LRPPRC: variants seen among roughly 807,000 people sequenced by gnomAD.
LRPPRC encodes the protein leucine-rich PPR motif-containing protein, mitochondrial.
LRPPRC carries 120 observed loss-of-function variants against 180.3 expected under a neutral mutation model. That is an observed-to-expected ratio of 0.67 (90% CI 0.57 to 0.77). LRPPRC has a LOEUF of 0.77. Among genes scored for constraint, LRPPRC ranks in the 30% least tolerant of loss-of-function variants. The pLI is 0.00. For synonymous variants in LRPPRC, 723 were observed against 600.0 expected (o/e 1.21, Z -3.00); for missense variants, 2,012 against 1,657.2 (o/e 1.21, Z -3.72).
intron 1 of LRPPRC, among the ~76,000 whole-genome samples, chr2:43,991,032 ATTT>A (rs35612386): frequency 3.1e-5 from 4 of 129,676 alleles, no homozygotes; most frequent in Non-Finnish European, 3.2e-5. Flanking sequence ...AGATACTTTT[ATTT>A]TTTTTTTTTT....
At chr2:43,985,705 T>C (rs1248237479) in intron 1 of LRPPRC, among the ~76,000 whole-genome samples, 1 of 152,238 alleles carries the variant, frequency 6.6e-6, no homozygotes, top group Non-Finnish European at 1.5e-5. Context: ...TTTGTAGATA[T>C]ACATGATTTG....
intron 35 of LRPPRC, 150 bp from the exon 36 acceptor site, chr2:43,894,779 G>T (rs939534960): frequency 4.9e-6 from 3 of 615,748 alleles, no homozygotes; most frequent in Non-Finnish European, 8.8e-6. Flanking sequence ...TTGTATATTA[G>T]CATTTGATAT....
rs372497039 is a variant in LRPPRC at position 43,957,486 on chromosome 2, C to T, written c.1583-35G>A. On this transcript the variant is annotated intron_variant, in intron 13 of 37. Transcript: ENST00000260665. ...AAAATGACCATCATTAAATCTCAGA[C>T]CAAACAAATTTAAAAACCCTGTATT... 39 of 1,510,398 alleles carry T rather than the reference C, an allele frequency of 2.6e-5. No individual in the cohort carries two copies. In the African/African-American group the frequency reaches 4.5e-4, roughly 18 times the overall value. The allele number at this position is 1,510,398 out of a possible 1,614,324, so 93.6% of individuals were successfully genotyped here.
chr2:43,888,727 A>G (rs2104967682), intron 37 of LRPPRC, 71 bp from the exon 38 acceptor site: 1 of 838,016 alleles, frequency 1.2e-6, no homozygotes, highest in Non-Finnish European at 2.1e-6. Context: ...TTAAAAAATC[A>G]TAAAACACTA....
chr2:43,939,257 G>T (rs566230417), intron 23 of LRPPRC, among the ~76,000 whole-genome samples: 1 of 151,486 alleles, frequency 6.6e-6, no homozygotes, highest in South Asian at 2.1e-4. Context: ...CTCCAGCCTG[G>T]GAGACAGCAA....
At chr2:43,995,695 G>A (rs542841763) in intron 1 of LRPPRC, 104 bp downstream of exon 1, 4 of 1,120,676 alleles carry the variant, frequency 3.6e-6, no homozygotes, top group Non-Finnish European at 4.7e-6. Context: ...CTGGGGCGGG[G>A]AGAAGGGTGG....
chr2:43,901,754 G>C (rs368318145), intron 31 of LRPPRC: 2 of 517,320 alleles, frequency 3.9e-6, no homozygotes, highest in Non-Finnish European at 6.9e-6. Flanking sequence ...TTAAGTCACA[G>C]AGAAAATACA....
At chr2:43,909,312 G>A (rs575244682) in intron 30 of LRPPRC, among the ~76,000 whole-genome samples, 37 of 152,028 alleles carry the variant, frequency 2.4e-4, no homozygotes, top group Non-Finnish European at 4.3e-4. Flanking sequence ...GGGTTCTCTT[G>A]GGTAGACACA....
chr2:43,887,623 C>T lies in LRPPRC; in HGVS notation c.*977G>A, dbSNP rs1558879218. The T allele has an allele frequency of 6.6e-6, 1 of 152,176 alleles. No individual in the cohort carries two copies. Among genetic ancestry groups the T allele is most frequent in the African/African-American group, 2.4e-5 (1 of 41,422 alleles). The allele number at this position is 152,176 out of a possible 1,614,324, so 9.4% of individuals were successfully genotyped here. A position where few individuals can be genotyped will look rare whatever the true frequency, so the allele number is the denominator to read the frequency against. ...TTTCGGTAATTAATTACCTCATCTC[C>T]AGTTAGGTCAATATTCCATATTATT... On this transcript the variant is annotated 3_prime_UTR_variant, in exon 38 of 38. Coordinates refer to ENST00000260665, the MANE Select transcript of LRPPRC (RefSeq NM_133259.4).
At chr2:43,973,327 T>G (rs1021775596) in intron 11 of LRPPRC, among the ~76,000 whole-genome samples, 1 of 151,888 alleles carries the variant, frequency 6.6e-6, no homozygotes, top group African/African-American at 2.4e-5. Context: ...AACTAAAGAG[T>G]TTTTTTAAGA....
chr2:43,890,007 A>C (rs987794118), intron 36 of LRPPRC, 131 bp from the exon 37 acceptor site: 17 of 674,746 alleles, frequency 2.5e-5, no homozygotes, highest in Non-Finnish European at 3.8e-5. Context: ...TACTTTCAGT[A>C]AGAAGCCACA....
intron 23 of LRPPRC, among the ~76,000 whole-genome samples, chr2:43,939,186 CAGG>C (rs1400257648): frequency 1.3e-5 from 2 of 151,444 alleles, no homozygotes; most frequent in African/African-American, 4.9e-5. Flanking sequence ...GAGGCTGAGG[CAGG>C]AGAATGGCAT....
intron 36 of LRPPRC, chr2:43,890,419 C>CA: frequency 2.2e-6 from 1 of 457,436 alleles, no homozygotes; most frequent in South Asian, 1.6e-5. Context: ...TACACACACA[C>CA]AAAAAACCTA....
intron 1 of LRPPRC, 75 bp downstream of exon 1, chr2:43,995,724 G>C: frequency 2.3e-6 from 3 of 1,294,700 alleles, no homozygotes; most frequent in Non-Finnish European, 2.0e-6. Context: ...GGCAGGACCC[G>C]GTCCCTGCCG....
chr2:43,957,483 A>T (rs984617753), intron 13 of LRPPRC, 32 bp from the exon 14 acceptor site: 1 of 1,516,478 alleles, frequency 6.6e-7, no homozygotes, highest in East Asian at 2.3e-5. Flanking sequence ...ATTAAATCTC[A>T]GACCAAACAA....
At chr2:43,969,743 G>C (rs574600132) in intron 11 of LRPPRC, among the ~76,000 whole-genome samples, 1 of 152,104 alleles carries the variant, frequency 6.6e-6, no homozygotes. Flanking sequence ...ACGCAGGCTA[G>C]ACTGCAGTGG....
At chr2:43,971,506 A>AAAAAAG (rs1673808836) in intron 11 of LRPPRC, among the ~76,000 whole-genome samples, 1 of 145,666 alleles carries the variant, frequency 6.9e-6, no homozygotes, top group African/African-American at 2.6e-5. Flanking sequence ...AAAAAAAAAG[A>AAAAAAG]AAAAAATATA....
Position 43,963,726 on chromosome 2 carries a change from A to C in LRPPRC, c.1370-20T>G. 8.2e-7 allele frequency: 1 copy of C among 1,218,126 alleles called. No individual in the cohort carries two copies. The allele number at this position is 1,218,126 out of a possible 1,614,324, so 75.5% of individuals were successfully genotyped here. A position where few individuals can be genotyped will look rare whatever the true frequency, so the allele number is the denominator to read the frequency against. On this transcript the variant is annotated intron_variant, in intron 11 of 37. Transcript: ENST00000260665. ...TTATACCTACCAAATAAAATGTAGAAGCACAGAGATAGAGAACTTAGAATA... is the reference window on the plus strand; with the variant it reads ...TTATACCTACCAAATAAAATGTAGACGCACAGAGATAGAGAACTTAGAATA...
At chr2:43,915,053 C>CA (rs71393213) in intron 29 of LRPPRC, among the ~76,000 whole-genome samples, 4,859 of 96,438 alleles carry the variant, frequency 0.05, 159 homozygotes, top group Non-Finnish European at 0.073. Flanking sequence ...ACTAAAAATA[C>CA]AAAAAAAAAA....
Sources: allele counts gnomAD v4.1 joint callset (sites outside exome capture counted in the v4.1 genomes callset), GRCh38; gene constraint gnomAD v4.1.1; transcripts MANE v1.5; gene names NCBI Gene and HGNC (gene_info 2026-07-23, HGNC 2026-07-21).